PLA2G2A: variants seen among roughly 807,000 people sequenced by gnomAD.
PLA2G2A encodes phospholipase A2, membrane associated.
In PLA2G2A, 6 loss-of-function variants were observed where a neutral mutation model predicts 11.2. The ratio of observed to expected loss-of-function variants is 0.54; its 90% confidence interval spans 0.29 to 1.06. The LOEUF is 1.06. PLA2G2A is among the 50% of genes least tolerant of loss of function. The pLI, the probability that PLA2G2A is intolerant of heterozygous loss-of-function variation, is 0.08. For synonymous variants in PLA2G2A, 69 were observed against 65.8 expected (o/e 1.05, Z -0.23); for missense variants, 133 against 177.1 (o/e 0.75, Z 1.41).
chr1:19,978,190 C>A (rs1162467488), intron 3 of PLA2G2A, 69 bp from the exon 4 acceptor site: 1 of 1,363,082 alleles, frequency 7.3e-7, no homozygotes, highest in African/African-American at 1.4e-5. Flanking sequence ...GTGGTCTCAC[C>A]CCCTTGGACC....
chr1:19,976,811 A>C (rs1384733776), intron 4 of PLA2G2A, among the ~76,000 whole-genome samples: 6 of 151,784 alleles, frequency 4.0e-5, no homozygotes, highest in African/African-American at 1.5e-4. Context: ...ATCAGCCCCC[A>C]CCTGGTCTAA....
chr1:19,977,941 C>A (rs1418209550), intron 4 of PLA2G2A, 74 bp downstream of exon 4: 1 of 909,000 alleles, frequency 1.1e-6, no homozygotes, highest in Non-Finnish European at 1.9e-6. Flanking sequence ...CTGTGTCTAT[C>A]TTTGGTGCCC....
Position 19,975,823 on chromosome 1 carries a change from T to C in PLA2G2A, c.313A>G (p.Ser105Gly), listed in dbSNP as rs749457372. ...GCCTTATCACACTCACACAGTTGAC[T>C]TCTGCAGGAGTCCTGTTTTGCTGAA... is the stretch of plus-strand genomic sequence containing the variant. Residue 105 changes from serine to glycine, a missense_variant, in exon 5 of 5, where the codon AGT becomes GGT. Coordinates refer to ENST00000482011, the Ensembl canonical transcript of PLA2G2A. 1.2e-5 allele frequency: 19 copies of C among 1,613,976 alleles called. No individual in the cohort carries two copies. The Middle Eastern group carries it at 8.2e-4, about 70-fold the overall frequency.
intron 4 of PLA2G2A, among the ~76,000 whole-genome samples, chr1:19,976,526 T>C (rs1226526876): frequency 6.6e-6 from 1 of 152,178 alleles, no homozygotes; most frequent in Non-Finnish European, 1.5e-5. Flanking sequence ...ATCCCCATTA[T>C]GCAAGCCACT....
chr1:19,978,461 T>C (rs527743566), exon 3 of PLA2G2A: 48 of 1,613,844 alleles, frequency 3.0e-5, no homozygotes, highest in Non-Finnish European at 4.1e-5. Context: ...TGCGGCTTCC[T>C]TTCCTGTCGT....
chr1:19,980,059 T>C, upstream of PLA2G2A, among the ~76,000 whole-genome samples: 1 of 152,286 alleles, frequency 6.6e-6, no homozygotes, highest in Non-Finnish European at 1.5e-5. Context: ...GGGCTTTTAG[T>C]GGTACTCATT....
rs2046230188 is a variant in PLA2G2A at position 19,977,074 on chromosome 1, G to A, written c.292+941C>T. 3.3e-5 allele frequency among the ~76,000 whole-genome samples: 5 copies of A among 152,184 alleles called. No homozygotes were observed. The South Asian group carries it at 1.0e-3, about 32-fold the overall frequency. On this transcript the variant is annotated intron_variant, in intron 4 of 4. Coordinates refer to ENST00000482011, the Ensembl canonical transcript of PLA2G2A. ...ATGAGTGATCACACCCACCTCTCAG[G>A]TCTCTGCTGCTGGCTTCTGAATCTG...
exon 5 of PLA2G2A, chr1:19,975,767 C>G (rs779758986): frequency 6.2e-7 from 1 of 1,613,316 alleles, no homozygotes; most frequent in Non-Finnish European, 8.5e-7. Context: ...TATTGTAGGT[C>G]GTCTTGTTTC....
intron 4 of PLA2G2A, among the ~76,000 whole-genome samples, chr1:19,976,533 C>T (rs2046222101): frequency 6.6e-6 from 1 of 152,208 alleles, no homozygotes; most frequent in Non-Finnish European, 1.5e-5. Flanking sequence ...TTATGCAAGC[C>T]ACTGTCAGCT....
chr1:19,977,899 C>T (rs559809650), intron 4 of PLA2G2A, 116 bp downstream of exon 4: 48 of 758,366 alleles, frequency 6.3e-5, no homozygotes, highest in East Asian at 2.5e-4. Flanking sequence ...CCCACTCAAC[C>T]GTGAGCTTCC....
downstream of PLA2G2A, chr1:19,975,519 G>A (rs2046207060): frequency 4.6e-6 from 3 of 650,362 alleles, no homozygotes; most frequent in Non-Finnish European, 8.3e-6. Context: ...GAGGAGAGCA[G>A]TAGAAGGCTG....
At chr1:19,975,939 C>T (rs1557701905) in intron 4 of PLA2G2A, 96 bp from the exon 5 acceptor site, 7 of 1,030,200 alleles carry the variant, frequency 6.8e-6, no homozygotes, top group East Asian at 5.1e-5. Context: ...CCCTGTCCTC[C>T]AGAAGCTCCT....
Position 19,975,692 on chromosome 1 carries a change from A to G in PLA2G2A, c.*9T>C, listed in dbSNP as rs753247582. On this transcript the variant is annotated 3_prime_UTR_variant, in exon 5 of 5. Transcript: ENST00000482011. ...GCACTGGGTGGAAGGTTTCCAGGGAAGAGGGGACTCAGCAACGAGGGGTGC... is the reference window on the plus strand; with the variant it reads ...GCACTGGGTGGAAGGTTTCCAGGGAGGAGGGGACTCAGCAACGAGGGGTGC... The G allele has an allele frequency of 1.2e-6, 2 of 1,612,994 alleles. 1 individual carries two copies. The highest frequency in any genetic ancestry group is 2.2e-5 in the South Asian group (2 of 91,048).
chr1:19,979,858 A>T (rs934765968), upstream of PLA2G2A: 1 of 152,154 alleles, frequency 6.6e-6, no homozygotes, highest in Admixed American at 6.5e-5. Flanking sequence ...CAGTCTTTCC[A>T]TGGAGTAAAT....
exon 2 of PLA2G2A, chr1:19,978,845 C>T: frequency 3.4e-6 from 5 of 1,468,828 alleles, no homozygotes; most frequent in South Asian, 2.3e-5. Flanking sequence ...CAACTTCTGC[C>T]CCGGCCGTCG....
At chr1:19,978,181 T>A in intron 3 of PLA2G2A, 60 bp from the exon 4 acceptor site, 1 of 1,396,454 alleles carries the variant, frequency 7.2e-7, no homozygotes, top group African/African-American at 1.4e-5. Context: ...CTGGTGCCTG[T>A]GGTCTCACCC....
At chr1:19,978,401 G>T in exon 3 of PLA2G2A, 1 of 1,613,204 alleles carries the variant, frequency 6.2e-7, no homozygotes, top group Non-Finnish European at 8.5e-7. Flanking sequence ...ATCCTTGGGG[G>T]ATCCTCTGCC....
chr1:19,978,196 G>A, intron 3 of PLA2G2A, 75 bp from the exon 4 acceptor site: 1 of 1,365,462 alleles, frequency 7.3e-7, no homozygotes, highest in Non-Finnish European at 1.0e-6. Context: ...TCACCCCCTT[G>A]GACCCTGGGC....
At chr1:19,975,991 TG>T in intron 4 of PLA2G2A, 148 bp from the exon 5 acceptor site, 2 of 727,472 alleles carry the variant, frequency 2.7e-6, no homozygotes, top group Non-Finnish European at 4.8e-6. Flanking sequence ...TTCTGACCAA[TG>T]GGGAGACAGA....
Sources: allele counts gnomAD v4.1 joint callset (sites outside exome capture counted in the v4.1 genomes callset), GRCh38; gene constraint gnomAD v4.1.1; transcripts MANE v1.5; gene names NCBI Gene and HGNC (gene_info 2026-07-23, HGNC 2026-07-21).